Variants in AHCYL1 observed in about 807,000 individuals in gnomAD.
The protein encoded by AHCYL1 is S-adenosylhomocysteine hydrolase-like protein 1.
In AHCYL1, 20 loss-of-function variants were observed where a neutral mutation model predicts 79.3. That is an observed-to-expected ratio of 0.25 (90% CI 0.18 to 0.37). The LOEUF is 0.37. Ranked by LOEUF, AHCYL1 falls within the 10% of genes least tolerant of loss-of-function variation. The pLI, the probability that AHCYL1 is intolerant of heterozygous loss-of-function variation, is 1.00. For missense variants in AHCYL1, 330 were observed against 673.6 expected, an observed-to-expected ratio of 0.49 and a Z score of 5.65; for synonymous variants, 223 against 242.2, an observed-to-expected ratio of 0.92 and a Z score of 0.74.
At position 110,015,472 on chromosome 1, in the gene AHCYL1, T is replaced by C; in HGVS notation, c.723T>C (p.Tyr241=). The C allele has an allele frequency of 1.2e-6, 2 of 1,614,186 alleles. No individual in the cohort carries two copies. Among genetic ancestry groups the C allele is most frequent in the Non-Finnish European group, 1.7e-6 (2 of 1,180,020 alleles). Residue 241 remains tyrosine, a synonymous_variant, in exon 7 of 17, where the codon TAT becomes TAC. Coordinates refer to ENST00000369799, the MANE Select transcript of AHCYL1 (RefSeq NM_006621.7). ...TAACCCACTGGGTTTATAAGAAGTA[T>C]CCAAACGTGTTTAAGAAGATCCGAG... is the stretch of plus-strand genomic sequence containing the variant. ...GDLTHWVYKK[Y]PNVFKKIRGI...
chr1:110,000,988 A>G (rs1312703910), intron 1 of AHCYL1: 25 of 982,266 alleles, frequency 2.5e-5, no homozygotes, highest in Non-Finnish European at 2.8e-5. Context: ...CCACCCTACT[A>G]GTAAGTGGGA....
intron 1 of AHCYL1, among the ~76,000 whole-genome samples, chr1:109,991,466 A>T (rs895730021): frequency 6.6e-6 from 1 of 152,180 alleles, no homozygotes; most frequent in African/African-American, 2.4e-5. Flanking sequence ...TAAAGTGGAC[A>T]GCCTGTACTC....
At chr1:109,999,019 C>T (rs1017715725) in intron 1 of AHCYL1, among the ~76,000 whole-genome samples, 7 of 151,858 alleles carry the variant, frequency 4.6e-5, no homozygotes, top group East Asian at 3.9e-4. Flanking sequence ...TAGCTGGGCA[C>T]GGTGGCACAT....
Position 110,021,705 on chromosome 1 carries a change from C to G in AHCYL1, c.*25C>G, listed in dbSNP as rs867633547. 6.9e-6 allele frequency: 11 copies of G among 1,605,186 alleles called. No homozygotes were observed. Among genetic ancestry groups the G allele is most frequent in the Middle Eastern group, 3.3e-4 (2 of 6,074 alleles). On this transcript the variant is annotated 3_prime_UTR_variant, in exon 17 of 17. Coordinates refer to ENST00000369799, the MANE Select transcript of AHCYL1 (RefSeq NM_006621.7). ...ATGGACCATACTACCAAGGACCAGT[C>G]CACCTGAACCACACACTCTAAAGAA...
chr1:109,991,300 CT>C (rs1193271008), intron 1 of AHCYL1, among the ~76,000 whole-genome samples: 1 of 152,122 alleles, frequency 6.6e-6, no homozygotes, highest in Non-Finnish European at 1.5e-5. Context: ...TGGAAAAGTA[CT>C]TTTGAGAACC....
chr1:110,013,519 G>A (rs1032141609), intron 5 of AHCYL1, among the ~76,000 whole-genome samples: 5 of 152,066 alleles, frequency 3.3e-5, no homozygotes, highest in Non-Finnish European at 7.4e-5. Flanking sequence ...AGAACGGTCT[G>A]GCCAACATGG....
intron 5 of AHCYL1, among the ~76,000 whole-genome samples, chr1:110,013,441 GGCCCAC>G (rs1344931244): frequency 6.6e-6 from 1 of 152,182 alleles, no homozygotes; most frequent in East Asian, 1.9e-4. Flanking sequence ...CAGGCCTGGT[GGCCCAC>G]GCCTATAATC....
chr1:109,992,329 G>A (rs945796281), intron 1 of AHCYL1, among the ~76,000 whole-genome samples: 1 of 147,840 alleles, frequency 6.8e-6, no homozygotes, highest in African/African-American at 2.5e-5. Context: ...AGAATCGCTT[G>A]AACCCAGGAG....
At chr1:109,988,623 G>T (rs754830290) in intron 1 of AHCYL1, among the ~76,000 whole-genome samples, 1 of 152,050 alleles carries the variant, frequency 6.6e-6, no homozygotes, top group African/African-American at 2.4e-5. Context: ...ATGTTTCTCC[G>T]GAAGGCCTTT....
At chr1:109,997,812 T>C (rs771153314) in intron 1 of AHCYL1, among the ~76,000 whole-genome samples, 3 of 152,198 alleles carry the variant, frequency 2.0e-5, no homozygotes, top group Non-Finnish European at 4.4e-5. Flanking sequence ...TGAAATCTGA[T>C]CTTTAGTATA....
chr1:110,008,766 T>C (rs1437577950), intron 1 of AHCYL1, among the ~76,000 whole-genome samples: 1 of 152,172 alleles, frequency 6.6e-6, no homozygotes, highest in Non-Finnish European at 1.5e-5. Context: ...ATTTATAAAA[T>C]TGAACATATA....
intron 6 of AHCYL1, 76 bp downstream of exon 6, chr1:110,014,933 A>G: frequency 7.2e-7 from 1 of 1,392,350 alleles, no homozygotes; most frequent in East Asian, 2.3e-5. Context: ...GGTTCCCTAA[A>G]TATGTTTTGG....
chr1:110,004,081 C>T (rs889893612), intron 1 of AHCYL1: 11 of 985,292 alleles, frequency 1.1e-5, no homozygotes, highest in African/African-American at 3.5e-5. Flanking sequence ...CTCTTCTCGC[C>T]GCGAGCATTG....
intron 2 of AHCYL1, 80 bp from the exon 3 acceptor site, chr1:110,011,134 A>C: frequency 6.5e-7 from 1 of 1,531,310 alleles, no homozygotes; most frequent in Admixed American, 2.2e-5. Flanking sequence ...CTTAAATGAA[A>C]GTCCCTTGGG....
At chr1:110,015,209 C>T (rs1055104780) in intron 6 of AHCYL1, among the ~76,000 whole-genome samples, 2 of 152,222 alleles carry the variant, frequency 1.3e-5, no homozygotes, top group African/African-American at 4.8e-5. Context: ...GCTTAATACT[C>T]ATCACTGTAG....
At chr1:109,991,934 T>C (rs896671535) in intron 1 of AHCYL1, among the ~76,000 whole-genome samples, 11 of 152,330 alleles carry the variant, frequency 7.2e-5, no homozygotes, top group African/African-American at 2.6e-4. Flanking sequence ...TGTATTAAGG[T>C]GAACCTTTGG....
Position 110,016,951 on chromosome 1 carries a change from G to A in AHCYL1, c.963+221G>A, listed in dbSNP as rs191127853. ...TTTTACCATTTTGCCTTGTGGAATA[G>A]ATACTAGTATCATCTTCCCCAATTA... On this transcript the variant is annotated intron_variant, in intron 9 of 16. Transcript: ENST00000369799. 2.6e-3 allele frequency among the ~76,000 whole-genome samples: 390 copies of A among 152,302 alleles called. 1 individual carries two copies. Among genetic ancestry groups the A allele is most frequent in the Non-Finnish European group, 4.2e-3 (287 of 68,026 alleles).
chr1:110,018,053 C>T (rs775521411), intron 11 of AHCYL1, 37 bp downstream of exon 11: 4 of 1,607,306 alleles, frequency 2.5e-6, no homozygotes, highest in East Asian at 4.5e-5. Context: ...TATTCAGAGG[C>T]TAAATCTTGA....
chr1:109,985,367 C>T (rs935796011), intron 1 of AHCYL1, 195 bp downstream of exon 1: 2 of 1,322,012 alleles, frequency 1.5e-6, no homozygotes, highest in African/African-American at 1.5e-5. Flanking sequence ...TTTCCTTTGT[C>T]CCTCGGCCCA....
Sources: allele counts gnomAD v4.1 joint callset (sites outside exome capture counted in the v4.1 genomes callset), GRCh38; gene constraint gnomAD v4.1.1; transcripts MANE v1.5; gene names NCBI Gene and HGNC (gene_info 2026-07-23, HGNC 2026-07-21).